Variants in NOX4 observed in about 807,000 individuals in gnomAD.
NOX4 encodes the protein kidney oxidase-1.
Under a neutral mutation model 87.6 loss-of-function variants are expected in NOX4, and 69 were observed. The ratio of observed to expected loss-of-function variants is 0.79; its 90% confidence interval spans 0.65 to 0.96. NOX4 has a LOEUF of 0.96. NOX4 is among the 40% of genes least tolerant of loss of function. The pLI is 0.00. For missense variants in NOX4, 680 were observed against 681.5 expected (o/e 1.00, Z 0.02); for synonymous variants, 275 against 238.2 (o/e 1.15, Z -1.42).
At chr11:89,374,399 A>G (rs1157355215) in intron 11 of NOX4, among the ~76,000 whole-genome samples, 2 of 152,202 alleles carry the variant, frequency 1.3e-5, no homozygotes, top group African/African-American at 2.4e-5. Flanking sequence ...TTTAAAGTCC[A>G]TAAATTCTGA....
In NOX4 at chr11:89,451,806, A is replaced by G; in HGVS notation, c.243T>C (p.Ala81=). The G allele has an allele frequency of 6.2e-7, 1 of 1,612,772 alleles. No homozygotes were observed. The highest frequency in any genetic ancestry group is 1.3e-5 in the African/African-American group (1 of 74,974). ...ILLPMCRTLL[A]YLRGSQKVPS... ...TTACCTTCTGTGATCCTCGGAGGTA[A>G]GCCAAGAGTGTTCGGCACATGGGTA... Residue 81 remains alanine, a synonymous_variant, in exon 3 of 18, where the codon GCT becomes GCC. Transcript: ENST00000263317.
intron 8 of NOX4, among the ~76,000 whole-genome samples, chr11:89,403,357 G>T (rs944930573): frequency 6.6e-6 from 1 of 152,090 alleles, no homozygotes; most frequent in African/African-American, 2.4e-5. Flanking sequence ...GCATGACAAA[G>T]TAAGATTTGG....
chr11:89,379,014 C>T (rs1212799802), intron 11 of NOX4, among the ~76,000 whole-genome samples: 2 of 152,048 alleles, frequency 1.3e-5, no homozygotes, highest in Non-Finnish European at 2.9e-5. Flanking sequence ...AAGAAAGATT[C>T]TGGAAGAATA....
chr11:89,351,575 T>C (rs191508862), intron 13 of NOX4, among the ~76,000 whole-genome samples: 2 of 152,312 alleles, frequency 1.3e-5, no homozygotes, highest in Admixed American at 1.3e-4. Flanking sequence ...CTCTTGTCTA[T>C]GGACTAATGT....
At chr11:89,582,343 C>T in the NOX4 span, among the ~76,000 whole-genome samples, 3 of 152,092 alleles carry the variant, frequency 2.0e-5, no homozygotes, top group South Asian at 6.2e-4. Context: ...CTACAATGAA[C>T]ATGAAAGTAC....
At chr11:89,439,368 T>C (rs1338452538) in intron 6 of NOX4, among the ~76,000 whole-genome samples, 5 of 152,156 alleles carry the variant, frequency 3.3e-5, no homozygotes, top group East Asian at 3.9e-4. Context: ...CAAAACTAAA[T>C]TGTGTTCCTA....
At chr11:89,329,946 G>T (rs1945398622) in intron 17 of NOX4, among the ~76,000 whole-genome samples, 1 of 151,824 alleles carries the variant, frequency 6.6e-6, no homozygotes, top group South Asian at 2.1e-4. Context: ...AGGAAAGAAG[G>T]ACACCAAAAT....
chr11:89,485,269 C>T (rs1338441438), intron 2 of NOX4, among the ~76,000 whole-genome samples: 1 of 151,978 alleles, frequency 6.6e-6, no homozygotes, highest in Admixed American at 6.6e-5. Flanking sequence ...CAAGATCATG[C>T]AGCAGATCTA....
chr11:89,422,058 C>A, intron 7 of NOX4, 76 bp from the exon 8 acceptor site: 1 of 738,032 alleles, frequency 1.4e-6, no homozygotes, highest in South Asian at 2.1e-5. Context: ...TACCATGTAT[C>A]ATTTCAAACA....
chr11:89,573,726 A>T, the NOX4 span, among the ~76,000 whole-genome samples: 1 of 152,190 alleles, frequency 6.6e-6, no homozygotes, highest in South Asian at 2.1e-4. Context: ...GAAAAAAAGG[A>T]AAGATCACTT....
intron 11 of NOX4, among the ~76,000 whole-genome samples, chr11:89,380,647 C>T (rs1462846713): frequency 6.6e-6 from 1 of 152,120 alleles, no homozygotes; most frequent in Non-Finnish European, 1.5e-5. Flanking sequence ...AAAGTTCATA[C>T]TTATCATGTA....
the NOX4 span, among the ~76,000 whole-genome samples, chr11:89,511,062 T>C: frequency 6.6e-6 from 1 of 152,120 alleles, no homozygotes; most frequent in African/African-American, 2.4e-5. Flanking sequence ...TATATGTAGG[T>C]ATGCTACCAT....
At chr11:89,352,063 A>C (rs1946479833) in intron 13 of NOX4, among the ~76,000 whole-genome samples, 1 of 152,212 alleles carries the variant, frequency 6.6e-6, no homozygotes, top group African/African-American at 2.4e-5. Flanking sequence ...TGATGTGTAC[A>C]CATGGATGTA....
At chr11:89,334,595 A>AC (rs1202705814) in intron 17 of NOX4, among the ~76,000 whole-genome samples, 10 of 151,682 alleles carry the variant, frequency 6.6e-5, no homozygotes, top group Non-Finnish European at 7.4e-5. Context: ...CCTAAATTGG[A>AC]TTTTTTAAAA....
At chr11:89,463,984 G>A (rs558081826) in intron 2 of NOX4, among the ~76,000 whole-genome samples, 2 of 152,038 alleles carry the variant, frequency 1.3e-5, no homozygotes, top group African/African-American at 4.8e-5. Flanking sequence ...TATGACAATT[G>A]TATTTGTAGT....
the NOX4 span, among the ~76,000 whole-genome samples, chr11:89,525,888 G>A: frequency 6.6e-6 from 1 of 151,852 alleles, no homozygotes; most frequent in African/African-American, 2.4e-5. Flanking sequence ...AATATTTTCT[G>A]TATTGTATGA....
In NOX4 at chr11:89,484,106, T is replaced by C. The variant is rs1946495435; in HGVS notation, c.153+6352A>G. 2.0e-5 allele frequency among the ~76,000 whole-genome samples: 3 copies of C among 152,162 alleles called. No homozygotes were observed. The South Asian group carries it at 6.2e-4, about 31-fold the overall frequency. On this transcript the variant is annotated intron_variant, in intron 2 of 17. Transcript: ENST00000263317. Reference sequence around the variant, plus strand: ...AAGTCTAGTATTAGCCAGTTATCACTGAGCACAATCTGTTATTGATATTAT... The same window carrying C: ...AAGTCTAGTATTAGCCAGTTATCACCGAGCACAATCTGTTATTGATATTAT...
intron 8 of NOX4, among the ~76,000 whole-genome samples, chr11:89,416,849 G>A (rs1213749321): frequency 6.6e-6 from 1 of 152,140 alleles, no homozygotes; most frequent in African/African-American, 2.4e-5. Flanking sequence ...TTGCTAACAA[G>A]TAGTGCCAAA....
In NOX4 at chr11:89,402,362, A is replaced by G; in HGVS notation, c.810T>C (p.Cys270=). The part of the protein sequence containing the change: ...EFTQHKFVKI[C]MEEPRFQANF... ...TAGCTTGGAATCTGGGCTCTTCCAT[A>G]CAAATCTTCACAAATTTGTGCTGGG... is the stretch of plus-strand genomic sequence containing the variant. Residue 270 remains cysteine, a synonymous_variant, in exon 9 of 18, where the codon TGT becomes TGC. Transcript: ENST00000263317. 6.2e-7 allele frequency: 1 copy of G among 1,613,294 alleles called. No homozygotes were observed. The highest frequency in any genetic ancestry group is 1.1e-5 in the South Asian group (1 of 90,938).
Sources: allele counts gnomAD v4.1 joint callset (sites outside exome capture counted in the v4.1 genomes callset), GRCh38; gene constraint gnomAD v4.1.1; transcripts MANE v1.5; gene names NCBI Gene and HGNC (gene_info 2026-07-23, HGNC 2026-07-21).